KHDRBS2: variants seen among roughly 807,000 people sequenced by gnomAD.
KHDRBS2 encodes KH RNA binding domain containing, signal transduction associated 2, also known as KH domain-containing, RNA-binding, signal transduction-associated protein 2.
A neutral mutation model predicts 44.3 loss-of-function variants in KHDRBS2; 26 were observed. The ratio of observed to expected loss-of-function variants is 0.59; its 90% CI spans 0.43 to 0.81. The LOEUF (loss-of-function observed/expected upper bound fraction) is 0.81, where lower values mean the gene tolerates loss of function less well. KHDRBS2 is among the 40% of genes least tolerant of loss of function. The pLI, the probability that KHDRBS2 is intolerant of heterozygous loss-of-function variation, is 0.00. For synonymous variants in KHDRBS2, 194 were observed against 151.1 expected (o/e 1.28, Z -2.08); for missense variants, 476 against 433.1 (o/e 1.10, Z -0.88).
In KHDRBS2 at chr6:62,210,767, AAAT is replaced by A. The variant is rs200615002; in HGVS notation, c.92-33458_92-33456del. Among the ~76,000 whole-genome samples, 127 of 152,314 alleles carry A rather than the reference AAAT, an allele frequency of 8.3e-4. No individual in the cohort carries two copies. In the East Asian group the frequency reaches 0.023, roughly 28 times the overall value. On this transcript the variant is annotated intron_variant, in intron 1 of 8. Transcript: ENST00000281156. ...AGTTAAATTAACACTCTGATTCAAT[AAAT>A]AATAACATAATCATTAATTTAATTC... is the stretch of plus-strand genomic sequence containing the variant.
intron 6 of KHDRBS2, among the ~76,000 whole-genome samples, chr6:61,758,026 A>G (rs1778754715): frequency 6.6e-6 from 1 of 152,008 alleles, no homozygotes; most frequent in African/African-American, 2.4e-5. Context: ...CTCCTTGTGC[A>G]TCTCTCTCCT....
chr6:62,067,476 A>T (rs1794003040), intron 2 of KHDRBS2, among the ~76,000 whole-genome samples: 1 of 151,556 alleles, frequency 6.6e-6, no homozygotes. Context: ...CATTGTACTG[A>T]GTGTACATTC....
chr6:61,933,126 A>G (rs1810401405), intron 4 of KHDRBS2, among the ~76,000 whole-genome samples: 1 of 152,166 alleles, frequency 6.6e-6, no homozygotes, highest in South Asian at 2.1e-4. Flanking sequence ...AATTTCAGTC[A>G]TGGCAGAAGG....
At chr6:61,840,436 G>A (rs547941317) in intron 6 of KHDRBS2, among the ~76,000 whole-genome samples, 40 of 152,170 alleles carry the variant, frequency 2.6e-4, no homozygotes, top group Non-Finnish European at 5.1e-4. Context: ...GCTACTTTAA[G>A]TTCTCTGGAC....
At chr6:61,617,645 T>TTA in the KHDRBS2 span, among the ~76,000 whole-genome samples, 5 of 152,202 alleles carry the variant, frequency 3.3e-5, no homozygotes, top group South Asian at 1.0e-3. Context: ...TGATTTTTTT[T>TTA]ATCTATTTTG....
chr6:62,171,561 C>G (rs1466445646), intron 2 of KHDRBS2, among the ~76,000 whole-genome samples: 2 of 152,042 alleles, frequency 1.3e-5, no homozygotes, highest in Non-Finnish European at 2.9e-5. Flanking sequence ...GGCCAACATC[C>G]AAATTCAGGA....
intron 4 of KHDRBS2, among the ~76,000 whole-genome samples, chr6:61,956,120 G>A (rs899622439): frequency 2.0e-5 from 3 of 151,952 alleles, no homozygotes; most frequent in Non-Finnish European, 2.9e-5. Context: ...CTTGAACCCG[G>A]GAGGCACAGG....
chr6:62,052,623 G>T (rs1281935607), intron 2 of KHDRBS2, among the ~76,000 whole-genome samples: 1 of 144,526 alleles, frequency 6.9e-6, no homozygotes, highest in Non-Finnish European at 1.5e-5. Flanking sequence ...GGAGGAGGGT[G>T]GGGGTTGGGG....
At chr6:61,580,019 C>T in the KHDRBS2 span, among the ~76,000 whole-genome samples, 52 of 152,120 alleles carry the variant, frequency 3.4e-4, no homozygotes, top group Non-Finnish European at 5.4e-4. Flanking sequence ...ATCAAGCCAT[C>T]GCACTCCAGC....
chr6:62,241,673 C>T (rs896637661), intron 1 of KHDRBS2, among the ~76,000 whole-genome samples: 1 of 151,998 alleles, frequency 6.6e-6, no homozygotes, highest in Non-Finnish European at 1.5e-5. Context: ...AAATAAATTA[C>T]TGAAATATAT....
intron 2 of KHDRBS2, among the ~76,000 whole-genome samples, chr6:62,106,446 T>G (rs1803346803): frequency 6.6e-6 from 1 of 152,266 alleles, no homozygotes; most frequent in Middle Eastern, 3.4e-3. Context: ...GGACTTCTGT[T>G]ATGAATCTGG....
chr6:61,787,555 T>C (rs530178550), intron 6 of KHDRBS2, among the ~76,000 whole-genome samples: 1 of 151,878 alleles, frequency 6.6e-6, no homozygotes, highest in African/African-American at 2.4e-5. Flanking sequence ...AAAGGTTTCA[T>C]ATTAGGCACT....
chr6:61,990,857 G>A (rs1311939842), intron 3 of KHDRBS2, among the ~76,000 whole-genome samples: 2 of 151,920 alleles, frequency 1.3e-5, no homozygotes, highest in African/African-American at 2.4e-5. Flanking sequence ...CTACAGGCAC[G>A]CACCACCATG....
intron 2 of KHDRBS2, among the ~76,000 whole-genome samples, chr6:62,098,244 G>GTTTTTTT (rs35184806): frequency 1.6e-5 from 2 of 127,848 alleles, no homozygotes; most frequent in Non-Finnish European, 3.3e-5. Flanking sequence ...AGCTTCAAAC[G>GTTTTTTT]TTTTTTTTTT....
chr6:61,567,890 G>C, the KHDRBS2 span, among the ~76,000 whole-genome samples: 4 of 151,872 alleles, frequency 2.6e-5, no homozygotes, highest in Non-Finnish European at 5.9e-5. Context: ...AGCTGTGATC[G>C]CCAGGGATGA....
At chr6:61,665,907 CA>C in the KHDRBS2 span, among the ~76,000 whole-genome samples, 2 of 150,894 alleles carry the variant, frequency 1.3e-5, no homozygotes, top group South Asian at 4.2e-4. Context: ...ACATTTTATA[CA>C]TTGAAAATAA....
intron 7 of KHDRBS2, among the ~76,000 whole-genome samples, chr6:61,699,285 TTTA>T (rs1420709988): frequency 9.2e-5 from 14 of 152,030 alleles, no homozygotes; most frequent in African/African-American, 3.4e-4. Flanking sequence ...AGAAATTTAA[TTTA>T]ATTTAATTAT....
chr6:62,050,643 C>G (rs1484369612), intron 2 of KHDRBS2, among the ~76,000 whole-genome samples: 1 of 151,796 alleles, frequency 6.6e-6, no homozygotes, highest in East Asian at 1.9e-4. Context: ...TAAAGGAAAA[C>G]TCATGGTAAA....
chr6:62,239,903 T>C (rs988059916), intron 1 of KHDRBS2, among the ~76,000 whole-genome samples: 11 of 152,038 alleles, frequency 7.2e-5, no homozygotes, highest in African/African-American at 2.7e-4. Context: ...CAGGCTGCTC[T>C]CAAACTCCTG....
Sources: gnomAD v4.1 joint callset for allele counts (sites outside exome capture counted in the v4.1 genomes callset) on GRCh38, gnomAD v4.1.1 for gene constraint, MANE v1.5 for transcripts, NCBI Gene and HGNC (gene_info 2026-07-23, HGNC 2026-07-21) for gene names.